Variants in BARX2 observed in about 807,000 individuals in gnomAD.
The protein encoded by BARX2 is homeobox protein BarH-like 2.
In BARX2, 11 loss-of-function variants were observed where a neutral mutation model predicts 25.5. The observed-to-expected ratio is 0.43, with a 90% confidence interval of 0.27 to 0.71. The LOEUF (loss-of-function observed/expected upper bound fraction) is 0.71, where lower values mean the gene tolerates loss of function less well. Ranked by LOEUF, BARX2 falls within the 30% of genes least tolerant of loss-of-function variation. The pLI, the probability that BARX2 is intolerant of heterozygous loss-of-function variation, is 0.19. For synonymous variants in BARX2, 137 were observed against 149.5 expected (o/e 0.92, Z 0.61); for missense variants, 360 against 359.9 (o/e 1.00, Z 0.00).
At position 129,451,797 on chromosome 11, in the gene BARX2, G is replaced by A. The variant is rs1862404950; in HGVS notation, c.*395G>A. ...CCAGTCATCAAAGCAGAGAGACGTG[G>A]CGGCATGTGGGCAGCATGCCCAGGT... On this transcript the variant is annotated 3_prime_UTR_variant, in exon 4 of 4. Transcript: ENST00000281437. 2 of 170,970 alleles carry A rather than the reference G, an allele frequency of 1.2e-5. No homozygotes were observed. Among genetic ancestry groups the A allele is most frequent in the African/African-American group, 4.7e-5 (2 of 42,328 alleles). 10.6% of individuals were successfully genotyped at this position (170,970 alleles called of 1,614,324 possible).
rs1257659084 is a variant in BARX2, at chr11:129,376,691, A to T, written c.187+469A>T. Among the ~76,000 whole-genome samples, 1 of 152,222 alleles carries T rather than the reference A, an allele frequency of 6.6e-6. No individual in the cohort carries two copies. Among genetic ancestry groups the T allele is most frequent in the African/African-American group, 2.4e-5 (1 of 41,456 alleles). On this transcript the variant is annotated intron_variant, in intron 1 of 3. Coordinates refer to ENST00000281437, the MANE Select transcript of BARX2 (RefSeq NM_003658.5). This position sits in a 1 kb window ranked among gnomAD's most constrained non-coding sequence, Gnocchi z 4.2. ...ATCAGTATCCTGAGGTTCTCAACAAAATCTCGAATTCACTGAGCTTTGCTT... is the reference window on the plus strand; with the variant it reads ...ATCAGTATCCTGAGGTTCTCAACAATATCTCGAATTCACTGAGCTTTGCTT...
chr11:129,425,373 C>T (rs1862050837), intron 1 of BARX2, among the ~76,000 whole-genome samples: 1 of 152,184 alleles, frequency 6.6e-6, no homozygotes, highest in Admixed American at 6.5e-5. Context: ...TTGTACTAAA[C>T]AGCAGCTGTT....
chr11:129,448,229 A>G lies in BARX2; in HGVS notation c.574-2907A>G, dbSNP rs1020713731. Among the ~76,000 whole-genome samples the G allele has an allele frequency of 2.6e-5, 4 of 152,344 alleles. 1 individual carries two copies. The highest frequency in any genetic ancestry group is 4.1e-4 in the South Asian group (2 of 4,822). On this transcript the variant is annotated intron_variant, in intron 3 of 3. Coordinates refer to ENST00000281437, the MANE Select transcript of BARX2 (RefSeq NM_003658.5). ...GTAAGTATCCATGACCTCGGATTAG[A>G]CAAAACCTTCTTAGATATGACAGCA... is the stretch of plus-strand genomic sequence containing the variant.
rs570858773 is a variant in BARX2, at chr11:129,447,108, A to G, written c.574-4028A>G. Among the ~76,000 whole-genome samples the G allele has an allele frequency of 2.2e-4, 33 of 152,320 alleles. No individual in the cohort carries two copies. In the South Asian group the frequency reaches 6.6e-3, roughly 31 times the overall value. Reference sequence around the variant, plus strand: ...CAAATGGTCAGGAGGTTTGTGTTCAAATCCCAGCTCTGCCCTTGGCTTGCT... The same window carrying G: ...CAAATGGTCAGGAGGTTTGTGTTCAGATCCCAGCTCTGCCCTTGGCTTGCT... On this transcript the variant is annotated intron_variant, in intron 3 of 3. Transcript: ENST00000281437.
intron 1 of BARX2, among the ~76,000 whole-genome samples, chr11:129,420,176 C>A (rs764602307): frequency 1.1e-4 from 16 of 152,066 alleles, no homozygotes; most frequent in Non-Finnish European, 2.2e-4. Flanking sequence ...TCCTTTCCCC[C>A]CTCCTCCTAA....
intron 1 of BARX2, among the ~76,000 whole-genome samples, chr11:129,405,266 C>T (rs1225388752): frequency 6.6e-6 from 1 of 152,122 alleles, no homozygotes; most frequent in Non-Finnish European, 1.5e-5. Context: ...GGGTAGTTGA[C>T]TTGGGTTAAT....
Position 129,451,535 on chromosome 11 carries a change from CCA to C in BARX2, c.*136_*137del. 5 of 1,022,036 alleles carry C rather than the reference CCA, an allele frequency of 4.9e-6. No individual in the cohort carries two copies. The highest frequency in any genetic ancestry group is 7.0e-6 in the Non-Finnish European group (5 of 711,226). The allele number at this position is 1,022,036 out of a possible 1,614,324, so 63.3% of individuals were successfully genotyped here. A position where few individuals can be genotyped will look rare whatever the true frequency, so the allele number is the denominator to read the frequency against. On this transcript the variant is annotated 3_prime_UTR_variant, in exon 4 of 4. Transcript: ENST00000281437. ...AGAGATCTACCCGTCTCCCTCCCTC[CCA>C]CAGTTACCATTGGCCTTGTCATCGC...
chr11:129,420,193 A>G (rs1861988907), intron 1 of BARX2, among the ~76,000 whole-genome samples: 1 of 152,028 alleles, frequency 6.6e-6, no homozygotes. Flanking sequence ...CTAAACATGT[A>G]TTAGCCAAAT....
At chr11:129,378,190 G>A (rs575409839) in intron 1 of BARX2, among the ~76,000 whole-genome samples, 4 of 152,224 alleles carry the variant, frequency 2.6e-5, no homozygotes, top group Admixed American at 1.3e-4. Flanking sequence ...TTCTTCTTTC[G>A]GATTGTTAGT....
Position 129,451,650 on chromosome 11 carries a change from G to A in BARX2, c.*248G>A. On this transcript the variant is annotated 3_prime_UTR_variant, in exon 4 of 4. Coordinates refer to ENST00000281437, the MANE Select transcript of BARX2 (RefSeq NM_003658.5). ...TGGATGCCCTTGATTAAGGGAGAGA[G>A]CGCCTAGGAGCTGCCTGCCCCAGCT... 2.0e-6 allele frequency: 1 copy of A among 510,116 alleles called. No individual in the cohort carries two copies. 31.6% of individuals were successfully genotyped at this position (510,116 alleles called of 1,614,324 possible).
rs566007425 is a variant in BARX2, at chr11:129,431,019, G to A, written c.188-5732G>A. The stretch of plus-strand genomic sequence containing the variant: ...TCGTATTATAAGCACGCACCACCAC[G>A]CCCGACTAACTTTTGTATTTTTAGT... On this transcript the variant is annotated intron_variant, in intron 1 of 3. Transcript: ENST00000281437. Among the ~76,000 whole-genome samples, 10 of 152,118 alleles carry A rather than the reference G, an allele frequency of 6.6e-5. No homozygotes were observed. The East Asian group carries it at 1.7e-3, about 26-fold the overall frequency.
intron 1 of BARX2, among the ~76,000 whole-genome samples, chr11:129,381,870 C>T (rs1861567634): frequency 6.6e-6 from 1 of 152,190 alleles, no homozygotes; most frequent in South Asian, 2.1e-4. Flanking sequence ...GATTCAGCCT[C>T]ATAGCACAGC....
intron 1 of BARX2, among the ~76,000 whole-genome samples, chr11:129,399,020 G>C (rs112947644): frequency 1.3e-5 from 2 of 152,158 alleles, no homozygotes; most frequent in South Asian, 4.1e-4. Flanking sequence ...GCAGTTCAAC[G>C]TAGGGATATT....
chr11:129,434,421 TA>T (rs56344103), intron 1 of BARX2, among the ~76,000 whole-genome samples: 1,232 of 76,288 alleles, frequency 0.016, 29 homozygotes, highest in African/African-American at 0.042. Flanking sequence ...AAAAAGTAAG[TA>T]AAAAAAAAAA....
intron 1 of BARX2, among the ~76,000 whole-genome samples, chr11:129,401,858 A>G (rs1861778794): frequency 6.6e-6 from 1 of 151,780 alleles, no homozygotes; most frequent in Non-Finnish European, 1.5e-5. Context: ...TCAGAGGCTG[A>G]GGTGAGAGAA....
chr11:129,451,278 G>A lies in BARX2; in HGVS notation c.716G>A (p.Gly239Glu), dbSNP rs751855579. The A allele has an allele frequency of 3.1e-5, 50 of 1,614,048 alleles. No individual in the cohort carries two copies. The highest frequency in any genetic ancestry group is 4.0e-5 in the Non-Finnish European group (47 of 1,180,044). ...QGQEQLEPSQ[G>E]QEELCEAQEP... ...CAGGAGCAGCTGGAGCCCTCTCAGG[G>A]GCAGGAGGAGCTCTGTGAAGCACAG... The change falls in exon 4 of 4, where the codon GGG (glycine) becomes GAG (glutamate). Residue 239 changes from glycine to glutamate, a missense_variant. Physicochemically the swap from Gly to Glu is moderately conservative, Grantham distance 98. Coordinates refer to ENST00000281437, the MANE Select transcript of BARX2 (RefSeq NM_003658.5).
chr11:129,413,801 C>T (rs1264894582), intron 1 of BARX2, among the ~76,000 whole-genome samples: 2 of 152,126 alleles, frequency 1.3e-5, no homozygotes, highest in South Asian at 2.1e-4. Flanking sequence ...CAGTGGCTCA[C>T]GCCTGTAATC....
chr11:129,403,701 G>A (rs903623566), intron 1 of BARX2, among the ~76,000 whole-genome samples: 3 of 152,136 alleles, frequency 2.0e-5, no homozygotes, highest in African/African-American at 7.2e-5. Context: ...ATTGGAGTTT[G>A]GATCACATGG....
At chr11:129,412,801 TCCCAC>T (rs1257776079) in intron 1 of BARX2, among the ~76,000 whole-genome samples, 2 of 152,160 alleles carry the variant, frequency 1.3e-5, no homozygotes, top group African/African-American at 4.8e-5. Flanking sequence ...TGTATCCAGG[TCCCAC>T]CTCTTACCTC....
Sources: allele counts gnomAD v4.1 joint callset (sites outside exome capture counted in the v4.1 genomes callset), GRCh38; gene constraint gnomAD v4.1.1; non-coding constraint Gnocchi (gnomAD v3.1); transcripts MANE v1.5; gene names NCBI Gene and HGNC (gene_info 2026-07-23, HGNC 2026-07-21).